Variants in DOCK4 observed in about 807,000 individuals in gnomAD.
The protein encoded by DOCK4 is dedicator of cytokinesis 4.
DOCK4 carries 97 observed loss-of-function variants against 268.1 expected under a neutral mutation model. The ratio of observed to expected loss-of-function variants is 0.36; its 90% confidence interval spans 0.31 to 0.43. The LOEUF (loss-of-function observed/expected upper bound fraction) is 0.43, where lower values mean the gene tolerates loss of function less well. Ranked by LOEUF, DOCK4 falls within the 20% of genes least tolerant of loss-of-function variation. The probability of loss-of-function intolerance (pLI) is 1.00; values close to 1 mark genes in which losing one functional copy is unlikely to be tolerated. For missense variants in DOCK4, 2,145 were observed against 2,455.7 expected, an observed-to-expected ratio of 0.87 and a Z score of 2.67; for synonymous variants, 954 against 887.2, an observed-to-expected ratio of 1.08 and a Z score of -1.34.
At chr7:112,155,890 A>ATGTT (rs1211069674) in intron 1 of DOCK4, among the ~76,000 whole-genome samples, 1 of 152,212 alleles carries the variant, frequency 6.6e-6, no homozygotes, top group Non-Finnish European at 1.5e-5. Context: ...AGCACTGAAC[A>ATGTT]GTATATAGTG....
At position 112,036,908 on chromosome 7, in the gene DOCK4, G is replaced by C. The variant is rs529921574; in HGVS notation, c.38-32777C>G. Among the ~76,000 whole-genome samples, 19 of 152,172 alleles carry C rather than the reference G, an allele frequency of 1.2e-4. No individual in the cohort carries two copies. In the South Asian group the frequency reaches 3.7e-3, roughly 30 times the overall value. On this transcript the variant is annotated intron_variant, in intron 1 of 52. Coordinates refer to ENST00000428084, the MANE Select transcript of DOCK4 (RefSeq NM_001363540.2). ...ACTCCTGACCTCAGGTGATCCACCC[G>C]CCTTTGCCTCCCATAGTGCTGGGAT...
chr7:112,066,584 A>ATCTCC (rs1806977661), intron 1 of DOCK4, among the ~76,000 whole-genome samples: 3 of 119,188 alleles, frequency 2.5e-5, no homozygotes, highest in African/African-American at 1.2e-4. Context: ...GTATATGTAT[A>ATCTCC]TATACACATA....
rs749266623 is a variant in DOCK4 at position 111,984,332 on chromosome 7, T to C, written c.523A>G (p.Ile175Val). ...KEYAMVDPED[I>V]SITELYRLME... Reference sequence around the variant, plus strand: ...AATCGGTAGAGCTCAGTAATGCTGATGTCTTCCGGATCCACCATTGCGTAC... The same window carrying C: ...AATCGGTAGAGCTCAGTAATGCTGACGTCTTCCGGATCCACCATTGCGTAC... Residue 175 changes from isoleucine (I) to valine (V), a missense_variant, in exon 7 of 53, where the codon ATC (isoleucine) becomes GTC (valine). This residue lies in a region of DOCK4 where 1,598 missense variants were observed against 1,986.7 expected (regional missense o/e 0.80). Coordinates refer to ENST00000428084, the MANE Select transcript of DOCK4 (RefSeq NM_001363540.2). 6.2e-7 allele frequency: 1 copy of C among 1,613,212 alleles called. No individual in the cohort carries two copies. The highest frequency in any genetic ancestry group is 1.7e-5 in the Admixed American group (1 of 59,934).
intron 1 of DOCK4, among the ~76,000 whole-genome samples, chr7:112,138,330 G>A (rs1814557369): frequency 6.6e-6 from 1 of 152,086 alleles, no homozygotes; most frequent in Non-Finnish European, 1.5e-5. Context: ...GTATTTTGTT[G>A]GAAAATGGAC....
At chr7:111,960,505 CG>C (rs1796789199) in intron 8 of DOCK4, among the ~76,000 whole-genome samples, 1 of 147,280 alleles carries the variant, frequency 6.8e-6, no homozygotes, top group Non-Finnish European at 1.5e-5. Flanking sequence ...AGGTAAAACA[CG>C]TGCTTTACCT....
intron 1 of DOCK4, among the ~76,000 whole-genome samples, chr7:112,091,999 T>A (rs1809677167): frequency 6.6e-6 from 1 of 152,176 alleles, no homozygotes; most frequent in Admixed American, 6.5e-5. Context: ...TCTAACCAGA[T>A]AACCACACAT....
intron 1 of DOCK4, among the ~76,000 whole-genome samples, chr7:112,119,973 A>G (rs1247620153): frequency 1.3e-5 from 2 of 151,436 alleles, no homozygotes; most frequent in Non-Finnish European, 2.9e-5. Flanking sequence ...TCAGCCTCCC[A>G]AGTAGCTGGG....
At chr7:111,945,002 G>A in intron 9 of DOCK4, 131 bp from the exon 10 acceptor site, 1 of 749,554 alleles carries the variant, frequency 1.3e-6, no homozygotes, top group East Asian at 2.7e-5. Context: ...TGTAGCAGAA[G>A]TACATGATTT....
At chr7:112,173,560 A>G (rs1026323004) in intron 1 of DOCK4, among the ~76,000 whole-genome samples, 18 of 152,128 alleles carry the variant, frequency 1.2e-4, no homozygotes, top group Admixed American at 1.3e-4. Flanking sequence ...CAGCTAGTTC[A>G]AAAGGGTTCC....
chr7:112,189,963 A>G (rs568226936), intron 1 of DOCK4, among the ~76,000 whole-genome samples: 5 of 152,124 alleles, frequency 3.3e-5, no homozygotes, highest in African/African-American at 1.2e-4. Context: ...TATGTAACTA[A>G]TTTCATATAC....
chr7:112,016,496 T>C, intron 1 of DOCK4, among the ~76,000 whole-genome samples: 1 of 152,238 alleles, frequency 6.6e-6, no homozygotes, highest in East Asian at 1.9e-4. Flanking sequence ...GTAACAAGTA[T>C]CTTAAGGGAA....
At chr7:111,999,457 G>A (rs1800244536) in intron 3 of DOCK4, among the ~76,000 whole-genome samples, 1 of 151,936 alleles carries the variant, frequency 6.6e-6, no homozygotes, top group South Asian at 2.1e-4. Flanking sequence ...TTTATTAGAA[G>A]TGACAGAAAT....
At chr7:111,894,012 A>AGGGAGGTTTG (rs1469688327) in intron 16 of DOCK4, among the ~76,000 whole-genome samples, 2 of 152,224 alleles carry the variant, frequency 1.3e-5, no homozygotes, top group African/African-American at 4.8e-5. Context: ...TCACGAGGTC[A>AGGGAGGTTTG]GGAGATAGAG....
chr7:112,008,459 T>G (rs1195822348), intron 1 of DOCK4, among the ~76,000 whole-genome samples: 2 of 152,232 alleles, frequency 1.3e-5, no homozygotes, highest in Non-Finnish European at 2.9e-5. Flanking sequence ...TAGTACGTAT[T>G]GACAGTTTAT....
intron 8 of DOCK4, among the ~76,000 whole-genome samples, chr7:111,946,804 A>T (rs915808460): frequency 6.6e-6 from 1 of 152,022 alleles, no homozygotes; most frequent in Non-Finnish European, 1.5e-5. Context: ...CTGGTCTCGA[A>T]CTCCTGGCCT....
intron 1 of DOCK4, among the ~76,000 whole-genome samples, chr7:112,165,548 G>GTT (rs1328527366): frequency 7.1e-6 from 1 of 140,958 alleles, no homozygotes; most frequent in Non-Finnish European, 1.6e-5. Context: ...GTGTGTGTGT[G>GTT]TGTGTGTGTG....
chr7:112,039,010 T>TA (rs1383850123), intron 1 of DOCK4, among the ~76,000 whole-genome samples: 1 of 152,216 alleles, frequency 6.6e-6, no homozygotes, highest in East Asian at 1.9e-4. Context: ...AGAGGTAGTC[T>TA]AGTTTTTTCA....
chr7:112,038,185 A>C (rs1334493382), intron 1 of DOCK4, among the ~76,000 whole-genome samples: 24 of 152,128 alleles, frequency 1.6e-4, no homozygotes, highest in Admixed American at 1.6e-3. Flanking sequence ...GTCAAGTAAG[A>C]TTTGGAGGTG....
chr7:112,155,113 G>T (rs1380013252), intron 1 of DOCK4, among the ~76,000 whole-genome samples: 1 of 152,152 alleles, frequency 6.6e-6, no homozygotes, highest in African/African-American at 2.4e-5. Context: ...ACTCAGAGAG[G>T]TTAAATGGCT....
Sources: allele counts gnomAD v4.1 joint callset (sites outside exome capture counted in the v4.1 genomes callset), GRCh38; gene constraint gnomAD v4.1.1; regional missense constraint gnomAD v4.1.1; transcripts MANE v1.5; gene names NCBI Gene and HGNC (gene_info 2026-07-23, HGNC 2026-07-21).